ZFAND3: variants seen among roughly 807,000 people sequenced by gnomAD.
ZFAND3 encodes the protein AN1-type zinc finger protein 3.
ZFAND3 carries 10 observed loss-of-function variants against 29.6 expected under a neutral mutation model. That is an observed-to-expected ratio of 0.34 (90% CI 0.21 to 0.57). The LOEUF is 0.57. ZFAND3 is among the 20% of genes least tolerant of loss of function. The pLI is 0.86. For synonymous variants in ZFAND3, 128 were observed against 112.6 expected, an observed-to-expected ratio of 1.14 and a Z score of -0.87; for missense variants, 230 against 304.5, an observed-to-expected ratio of 0.76 and a Z score of 1.82.
rs77453856 is a variant in ZFAND3 at position 38,153,674 on chromosome 6, G to C, written c.*1285G>C. 5.4e-3 allele frequency: 5,355 copies of C among 985,402 alleles called. 251 individuals carry two copies. The African/African-American group carries it at 0.084, about 15-fold the overall frequency. The allele number at this position is 985,402 out of a possible 1,614,324, so 61.0% of individuals were successfully genotyped here. A position where few individuals can be genotyped will look rare whatever the true frequency, so the allele number is the denominator to read the frequency against. Reference sequence around the variant, plus strand: ...GCAACTGCGCACGCCAGGTGGGGAAGGGTGGGGGTGGGCCTGGTTGCCCCA... The same window carrying C: ...GCAACTGCGCACGCCAGGTGGGGAACGGTGGGGGTGGGCCTGGTTGCCCCA... On this transcript the variant is annotated 3_prime_UTR_variant, in exon 6 of 6. Coordinates refer to ENST00000287218, the MANE Select transcript of ZFAND3 (RefSeq NM_021943.3).
intron 1 of ZFAND3, among the ~76,000 whole-genome samples, chr6:37,841,041 A>G (rs1357837083): frequency 6.6e-6 from 1 of 152,238 alleles, no homozygotes; most frequent in Non-Finnish European, 1.5e-5. Context: ...TGACTTCAAG[A>G]TACTTGAGAA....
At chr6:37,860,123 G>T (rs1764457127) in intron 1 of ZFAND3, among the ~76,000 whole-genome samples, 2 of 148,656 alleles carry the variant, frequency 1.3e-5, no homozygotes, top group South Asian at 4.3e-4. Context: ...CACCCGCCTC[G>T]GCCTCCCAAA....
intron 2 of ZFAND3, among the ~76,000 whole-genome samples, chr6:38,025,415 G>A (rs967464843): frequency 6.6e-6 from 1 of 152,174 alleles, no homozygotes; most frequent in African/African-American, 2.4e-5. Flanking sequence ...AAATGGTATG[G>A]AAGAAAAGAT....
intron 2 of ZFAND3, among the ~76,000 whole-genome samples, chr6:38,026,808 AGAGT>A (rs1554168036): frequency 2.0e-5 from 3 of 150,948 alleles, no homozygotes; most frequent in African/African-American, 7.3e-5. Context: ...AGAGAGAGAG[AGAGT>A]GTAATTTAAT....
chr6:38,070,247 A>AC (rs763661384), intron 3 of ZFAND3, among the ~76,000 whole-genome samples: 66 of 151,842 alleles, frequency 4.3e-4, no homozygotes, highest in Non-Finnish European at 7.4e-4. Context: ...ACATGGTGAA[A>AC]CCCCCACCTC....
chr6:38,081,216 G>A (rs1187029205), intron 3 of ZFAND3, among the ~76,000 whole-genome samples: 1 of 151,690 alleles, frequency 6.6e-6, no homozygotes, highest in Non-Finnish European at 1.5e-5. Context: ...ACACATAGTA[G>A]GTATTTGCTA....
At chr6:38,042,741 T>A (rs1200393772) in intron 2 of ZFAND3, among the ~76,000 whole-genome samples, 1 of 152,214 alleles carries the variant, frequency 6.6e-6, no homozygotes, top group Non-Finnish European at 1.5e-5. Flanking sequence ...GACTAATAGT[T>A]CACAACTATC....
chr6:38,115,196 G>T (rs1765393293), intron 4 of ZFAND3, among the ~76,000 whole-genome samples: 1 of 152,242 alleles, frequency 6.6e-6, no homozygotes, highest in African/African-American at 2.4e-5. Context: ...GGGCCTGGGT[G>T]ATAAAAGAGA....
intron 3 of ZFAND3, among the ~76,000 whole-genome samples, chr6:38,076,598 T>C (rs939021487): frequency 6.6e-6 from 1 of 152,228 alleles, no homozygotes; most frequent in Non-Finnish European, 1.5e-5. Flanking sequence ...GGATTAGAAC[T>C]TCTAACTCTG....
chr6:38,048,915 A>G (rs1412442119), intron 2 of ZFAND3, among the ~76,000 whole-genome samples: 2 of 152,194 alleles, frequency 1.3e-5, no homozygotes. Flanking sequence ...GCAGTTTTCA[A>G]AACTTTTATA....
At chr6:38,007,623 A>G (rs1197912768) in intron 2 of ZFAND3, among the ~76,000 whole-genome samples, 1 of 152,246 alleles carries the variant, frequency 6.6e-6, no homozygotes, top group Non-Finnish European at 1.5e-5. Context: ...TAACTTGAAG[A>G]ATAATTTAAC....
intron 1 of ZFAND3, among the ~76,000 whole-genome samples, chr6:37,850,198 C>T (rs1764256658): frequency 6.6e-6 from 1 of 152,094 alleles, no homozygotes; most frequent in African/African-American, 2.4e-5. Flanking sequence ...TAACCAGAAG[C>T]AGGATGGTTT....
chr6:37,869,179 G>A (rs1292741576), intron 1 of ZFAND3, among the ~76,000 whole-genome samples: 1 of 152,004 alleles, frequency 6.6e-6, no homozygotes, highest in Non-Finnish European at 1.5e-5. Context: ...TTTATTTTTT[G>A]AGATGGAGTC....
chr6:37,917,002 A>G lies in ZFAND3; in HGVS notation c.72-12957A>G, dbSNP rs139201829. ...TCAGTGCTTGTGTTTAAGTAATCCTATTTTACTTAATAATGGCCCCAAAGC... is the reference window on the plus strand; with the variant it reads ...TCAGTGCTTGTGTTTAAGTAATCCTGTTTTACTTAATAATGGCCCCAAAGC... On this transcript the variant is annotated intron_variant, in intron 1 of 5. Transcript: ENST00000287218. Among the ~76,000 whole-genome samples the G allele has an allele frequency of 2.7e-3, 411 of 152,250 alleles. 2 individuals carry two copies. Among genetic ancestry groups the G allele is most frequent in the African/African-American group, 9.6e-3 (397 of 41,558 alleles).
rs532074348 is a variant in ZFAND3 at position 38,041,137 on chromosome 6, T to A, written c.113-20456T>A. 1.2e-4 allele frequency among the ~76,000 whole-genome samples: 18 copies of A among 152,296 alleles called. No homozygotes were observed. In the East Asian group the frequency reaches 3.3e-3, roughly 28 times the overall value. ...ATGTCCCTCAGTTTGTGTTTGATGT[T>A]TCCTCATGATTAGATTGAAATTACG... is the stretch of plus-strand genomic sequence containing the variant. On this transcript the variant is annotated intron_variant, in intron 2 of 5. Transcript: ENST00000287218.
intron 2 of ZFAND3, among the ~76,000 whole-genome samples, chr6:38,036,813 T>A (rs1289085723): frequency 6.6e-6 from 1 of 152,194 alleles, no homozygotes; most frequent in Non-Finnish European, 1.5e-5. Flanking sequence ...GGGTCTTAAC[T>A]ATGTTTTCCA....
At chr6:38,013,520 TAGAA>T (rs1334165248) in intron 2 of ZFAND3, among the ~76,000 whole-genome samples, 2 of 152,174 alleles carry the variant, frequency 1.3e-5, no homozygotes, top group African/African-American at 4.8e-5. Flanking sequence ...GAACAACACA[TAGAA>T]AGCACACAGT....
intron 5 of ZFAND3, among the ~76,000 whole-genome samples, chr6:38,136,100 G>A (rs1437975267): frequency 6.6e-6 from 1 of 152,198 alleles, no homozygotes; most frequent in East Asian, 1.9e-4. Context: ...CACTGGCATT[G>A]ACCTGAGAGA....
chr6:37,885,170 G>GT (rs11452268), intron 1 of ZFAND3, among the ~76,000 whole-genome samples: 58,571 of 151,712 alleles, frequency 0.39, 12,085 homozygotes, highest in Non-Finnish European at 0.47. Flanking sequence ...TGATTAACAT[G>GT]TTTTTTAGAG....
Sources: gnomAD v4.1 joint callset for allele counts (sites outside exome capture counted in the v4.1 genomes callset) on GRCh38, gnomAD v4.1.1 for gene constraint, MANE v1.5 for transcripts, NCBI Gene and HGNC (gene_info 2026-07-23, HGNC 2026-07-21) for gene names.